TEK: variants seen among roughly 807,000 people sequenced by gnomAD.
TEK encodes the protein angiopoietin-1 receptor.
A neutral mutation model predicts 131.8 loss-of-function variants in TEK; 43 were observed. The ratio of observed to expected loss-of-function variants is 0.33; its 90% CI spans 0.26 to 0.42. The LOEUF (loss-of-function observed/expected upper bound fraction) is 0.42, where lower values mean the gene tolerates loss of function less well. TEK is among the 10% of genes least tolerant of loss of function. The pLI is 1.00. For missense variants in TEK, 1,162 were observed against 1,384.4 expected (o/e 0.84, Z 2.55); for synonymous variants, 580 against 491.6 (o/e 1.18, Z -2.38).
rs1179467555 is a variant in TEK, at chr9:27,217,673, C to G, written c.2992-15C>G. On this transcript the variant is annotated splice_polypyrimidine_tract_variant and intron_variant, in intron 18 of 22. Coordinates refer to ENST00000380036, the MANE Select transcript of TEK (RefSeq NM_000459.5). ...CCTGTCCCAGTTAAGTGAAATCTCACTTTGTTCTCTCCAGGGAAGGCTCCC... is the reference window on the plus strand; with the variant it reads ...CCTGTCCCAGTTAAGTGAAATCTCAGTTTGTTCTCTCCAGGGAAGGCTCCC... 6.2e-7 allele frequency: 1 copy of G among 1,613,362 alleles called. No homozygotes were observed. The highest frequency in any genetic ancestry group is 1.7e-5 in the Admixed American group (1 of 60,012).
At chr9:27,185,801 T>C (rs1291512779) in intron 9 of TEK, among the ~76,000 whole-genome samples, 172 bp downstream of exon 9, 1 of 152,194 alleles carries the variant, frequency 6.6e-6, no homozygotes, top group Admixed American at 6.5e-5. Context: ...ATTAAGAGTA[T>C]GAACTGTGGA....
chr9:27,142,453 G>T (rs1421661876), intron 1 of TEK, among the ~76,000 whole-genome samples: 1 of 152,222 alleles, frequency 6.6e-6, no homozygotes, highest in Non-Finnish European at 1.5e-5. Flanking sequence ...CTGAAAGTTG[G>T]TGAGATCACT....
intron 1 of TEK, among the ~76,000 whole-genome samples, chr9:27,117,526 C>T (rs533952671): frequency 2.0e-5 from 3 of 152,078 alleles, no homozygotes; most frequent in African/African-American, 2.4e-5. Flanking sequence ...TCTGATCATT[C>T]TTCTCTCCTG....
At chr9:27,169,327 G>GTTCT in intron 3 of TEK, 150 bp from the exon 4 acceptor site, 1 of 1,038,346 alleles carries the variant, frequency 9.6e-7, no homozygotes, top group Non-Finnish European at 1.5e-6. Flanking sequence ...GTACTGAATA[G>GTTCT]TTCAGCATTT....
At chr9:27,203,216 A>G in intron 13 of TEK, 97 bp downstream of exon 13, 1 of 1,404,264 alleles carries the variant, frequency 7.1e-7, no homozygotes, top group South Asian at 1.2e-5. Flanking sequence ...GCCTATGAAA[A>G]GTCGGTGGTT....
chr9:27,146,418 G>A (rs1336874213), intron 1 of TEK, among the ~76,000 whole-genome samples: 1 of 152,048 alleles, frequency 6.6e-6, no homozygotes, highest in African/African-American at 2.4e-5. Context: ...TTTTTGTGCT[G>A]CCCCTTTGTA....
At position 27,113,649 on chromosome 9, in the gene TEK, A is replaced by T. The variant is rs116823461; in HGVS notation, c.52+4007A>T. Among the ~76,000 whole-genome samples the T allele has an allele frequency of 6.3e-3, 954 of 152,292 alleles. 10 individuals are homozygous for T. Among genetic ancestry groups the T allele is most frequent in the African/African-American group, 0.022 (906 of 41,554 alleles). Reference sequence around the variant, plus strand: ...GTATAATCAAAAGAGAAGTGTTGCTATGAGAACCACTGTGCTAGTCAAGAC... The same window carrying T: ...GTATAATCAAAAGAGAAGTGTTGCTTTGAGAACCACTGTGCTAGTCAAGAC... On this transcript the variant is annotated intron_variant, in intron 1 of 22. Transcript: ENST00000380036.
intron 6 of TEK, among the ~76,000 whole-genome samples, chr9:27,178,181 G>A (rs1824238999): frequency 6.6e-6 from 1 of 151,882 alleles, no homozygotes; most frequent in African/African-American, 2.4e-5. Flanking sequence ...TCTGCTTGTG[G>A]TTATCCAGTT....
chr9:27,189,111 A>G (rs949427878), intron 9 of TEK, among the ~76,000 whole-genome samples: 4 of 152,044 alleles, frequency 2.6e-5, no homozygotes, highest in Admixed American at 2.6e-4. Context: ...TATAATACAC[A>G]CTCTTGGGGA....
At chr9:27,133,990 A>G (rs893501580) in intron 1 of TEK, among the ~76,000 whole-genome samples, 2 of 152,216 alleles carry the variant, frequency 1.3e-5, no homozygotes, top group East Asian at 1.9e-4. Context: ...TTAGAGGTAC[A>G]GGTTTGAAAC....
chr9:27,130,187 GT>G (rs1271539049), intron 1 of TEK, among the ~76,000 whole-genome samples: 3 of 152,194 alleles, frequency 2.0e-5, no homozygotes, highest in African/African-American at 7.2e-5. Context: ...CAGTGTTACA[GT>G]TCCAGGAATT....
At chr9:27,172,851 C>G in intron 5 of TEK, 104 bp downstream of exon 5, 1 of 1,477,922 alleles carries the variant, frequency 6.8e-7, no homozygotes, top group Non-Finnish European at 9.3e-7. Context: ...GCTAAATGGC[C>G]TCTGTTAGGT....
At chr9:27,204,334 T>A (rs960565835) in intron 13 of TEK, among the ~76,000 whole-genome samples, 2 of 152,228 alleles carry the variant, frequency 1.3e-5, no homozygotes, top group East Asian at 3.8e-4. Flanking sequence ...CTTTAATAGT[T>A]TATTTTGACC....
intron 1 of TEK, among the ~76,000 whole-genome samples, chr9:27,121,073 G>A (rs1241311722): frequency 6.6e-6 from 1 of 152,166 alleles, no homozygotes; most frequent in Non-Finnish European, 1.5e-5. Context: ...TGTAATCCCA[G>A]CACTTTGGGA....
In TEK at chr9:27,180,228, C is replaced by G. The variant is rs1824312656; in HGVS notation, c.902-12C>G. The G allele has an allele frequency of 3.1e-6, 5 of 1,613,600 alleles. No individual in the cohort carries two copies. The highest frequency in any genetic ancestry group is 1.7e-5 in the Admixed American group (1 of 60,000). On this transcript the variant is annotated splice_polypyrimidine_tract_variant and intron_variant, in intron 6 of 22. Coordinates refer to ENST00000380036, the MANE Select transcript of TEK (RefSeq NM_000459.5). The stretch of plus-strand genomic sequence containing the variant: ...TGGATTAATACTGGTTTTTTGATGT[C>G]TCTGTTTACAGCATGCCACCCTGGT...
intron 6 of TEK, 144 bp from the exon 7 acceptor site, chr9:27,180,096 T>C (rs1824307170): frequency 8.3e-7 from 1 of 1,205,082 alleles, no homozygotes; most frequent in Non-Finnish European, 1.2e-6. Context: ...TTTAAGTTCC[T>C]GGTAATTCAG....
At chr9:27,211,384 T>C (rs1825622108) in intron 16 of TEK, among the ~76,000 whole-genome samples, 1 of 129,866 alleles carries the variant, frequency 7.7e-6, no homozygotes, top group Admixed American at 7.3e-5. Flanking sequence ...GTTTCAATAT[T>C]ACTTTTCTTT....
chr9:27,181,958 G>A (rs1166459714), intron 7 of TEK, among the ~76,000 whole-genome samples: 1 of 150,234 alleles, frequency 6.7e-6, no homozygotes, highest in Non-Finnish European at 1.5e-5. Context: ...GAGTGGGGGT[G>A]GGATGCCAGT....
intron 1 of TEK, among the ~76,000 whole-genome samples, chr9:27,143,243 C>T (rs1034799204): frequency 6.6e-6 from 1 of 152,152 alleles, no homozygotes; most frequent in African/African-American, 2.4e-5. Flanking sequence ...AGAGGGTTGT[C>T]CCCAAGAACT....
Sources: allele counts gnomAD v4.1 joint callset (sites outside exome capture counted in the v4.1 genomes callset), GRCh38; gene constraint gnomAD v4.1.1; transcripts MANE v1.5; gene names NCBI Gene and HGNC (gene_info 2026-07-23, HGNC 2026-07-21).